NRXN3: variants seen among roughly 807,000 people sequenced by gnomAD.
NRXN3 encodes the protein neurexin III.
A neutral mutation model predicts 137.6 loss-of-function variants in NRXN3; 32 were observed. The ratio of observed to expected loss-of-function variants is 0.23; its 90% CI spans 0.18 to 0.31. The LOEUF (loss-of-function observed/expected upper bound fraction) is 0.31. Ranked by LOEUF, NRXN3 falls within the 10% of genes least tolerant of loss-of-function variation. The pLI is 1.00. For synonymous variants in NRXN3, 798 were observed against 784.5 expected, an observed-to-expected ratio of 1.02 and a Z score of -0.29; for missense variants, 1,574 against 2,062.5, an observed-to-expected ratio of 0.76 and a Z score of 4.59.
At chr14:78,205,450 T>A (rs996812178) in intron 1 of NRXN3, among the ~76,000 whole-genome samples, 1 of 152,272 alleles carries the variant, frequency 6.6e-6, no homozygotes, top group Admixed American at 6.5e-5. Context: ...TTGAAGTACT[T>A]ACACTTTGCT....
chr14:78,544,333 GT>G (rs1261664287), intron 4 of NRXN3, among the ~76,000 whole-genome samples: 1 of 152,216 alleles, frequency 6.6e-6, no homozygotes, highest in African/African-American at 2.4e-5. Flanking sequence ...GGCATGCAGT[GT>G]TAATAAATGA....
intron 15 of NRXN3, among the ~76,000 whole-genome samples, chr14:79,274,115 A>T (rs546072340): frequency 6.6e-6 from 1 of 151,798 alleles, no homozygotes; most frequent in Non-Finnish European, 1.5e-5. Flanking sequence ...AAAAAAAAAA[A>T]AAAAGAGGCT....
chr14:78,950,543 A>G (rs76511209), intron 10 of NRXN3, among the ~76,000 whole-genome samples: 4,418 of 152,114 alleles, frequency 0.029, 111 homozygotes, highest in African/African-American at 0.055. Context: ...TCTTTTTTCT[A>G]GTCTTAAGGC....
chr14:79,131,736 C>T lies in NRXN3; in HGVS notation c.3262+143595C>T, dbSNP rs369821234. Among the ~76,000 whole-genome samples the T allele has an allele frequency of 4.0e-4, 61 of 152,344 alleles. No individual in the cohort carries two copies. The East Asian group carries it at 8.3e-3, about 21-fold the overall frequency. On this transcript the variant is annotated intron_variant, in intron 15 of 20. Coordinates refer to ENST00000335750, the MANE Select transcript of NRXN3 (RefSeq NM_001330195.2). ...TGGAGCTTCCTGGCTGCTTTGTTTA[C>T]CTAAGCAAGCCTGGGCAATGGCGAG...
In NRXN3 at chr14:78,496,669, G is replaced by T. The variant is rs999148460; in HGVS notation, c.758-148451G>T. 5.3e-5 allele frequency among the ~76,000 whole-genome samples: 8 copies of T among 152,146 alleles called. No homozygotes were observed. The East Asian group carries it at 1.6e-3, about 30-fold the overall frequency. ...AAATTCCTTTTATAGTATGTTAGAA[G>T]ATTATGAGATTATAGGAGAATACCA... On this transcript the variant is annotated intron_variant, in intron 4 of 20. Transcript: ENST00000335750.
intron 15 of NRXN3, among the ~76,000 whole-genome samples, chr14:79,397,378 G>C (rs932298072): frequency 6.6e-6 from 1 of 152,160 alleles, no homozygotes; most frequent in Non-Finnish European, 1.5e-5. Flanking sequence ...AATCATCTTT[G>C]TTGGTGCTAA....
intron 2 of NRXN3, among the ~76,000 whole-genome samples, chr14:78,267,006 G>A (rs1168745713): frequency 6.6e-6 from 1 of 152,114 alleles, no homozygotes; most frequent in Non-Finnish European, 1.5e-5. Context: ...GAGCCACTAT[G>A]TTACCCCTTC....
At chr14:78,462,802 TA>T (rs1285239330) in intron 4 of NRXN3, among the ~76,000 whole-genome samples, 6 of 152,220 alleles carry the variant, frequency 3.9e-5, no homozygotes, top group African/African-American at 1.2e-4. Context: ...AAACATATCC[TA>T]GGGGCATCTG....
chr14:79,241,926 G>A (rs2074366169), intron 15 of NRXN3, among the ~76,000 whole-genome samples: 1 of 151,968 alleles, frequency 6.6e-6, no homozygotes, highest in Admixed American at 6.6e-5. Flanking sequence ...AATTATCCAG[G>A]CGTGGTGGCA....
intron 4 of NRXN3, among the ~76,000 whole-genome samples, chr14:78,445,433 C>G (rs55979048): frequency 0.097 from 14,694 of 152,168 alleles, 985 homozygotes; most frequent in African/African-American, 0.17. Context: ...TGAAAAGTGA[C>G]GGGGAGGCAG....
At chr14:78,635,284 A>G (rs2097557761) in intron 4 of NRXN3, among the ~76,000 whole-genome samples, 1 of 152,218 alleles carries the variant, frequency 6.6e-6, no homozygotes. Context: ...TAAACATTTT[A>G]AAGTTCATAT....
At chr14:78,504,768 A>G (rs759498469) in intron 4 of NRXN3, among the ~76,000 whole-genome samples, 23 of 152,142 alleles carry the variant, frequency 1.5e-4, no homozygotes, top group Admixed American at 3.3e-4. Flanking sequence ...GCCACACCCT[A>G]TCTATGTGCT....
chr14:79,206,655 T>C (rs2066837205), intron 15 of NRXN3, among the ~76,000 whole-genome samples: 1 of 152,196 alleles, frequency 6.6e-6, no homozygotes. Flanking sequence ...TGAGTTATTG[T>C]CAATAACATC....
intron 8 of NRXN3, among the ~76,000 whole-genome samples, chr14:78,764,085 A>T (rs1053965817): frequency 6.6e-6 from 1 of 152,224 alleles, no homozygotes; most frequent in Non-Finnish European, 1.5e-5. Context: ...CCAAGATCAC[A>T]CAGCCAGTAC....
At chr14:78,831,973 A>G (rs960359348) in intron 10 of NRXN3, among the ~76,000 whole-genome samples, 1 of 152,154 alleles carries the variant, frequency 6.6e-6, no homozygotes, top group African/African-American at 2.4e-5. Flanking sequence ...TAATACCAGC[A>G]TGTTTCTCAG....
At chr14:78,228,512 T>C (rs1180539184) in intron 1 of NRXN3, among the ~76,000 whole-genome samples, 1 of 152,200 alleles carries the variant, frequency 6.6e-6, no homozygotes, top group African/African-American at 2.4e-5. Context: ...ATGATGATAA[T>C]GGTCATGGCT....
intron 19 of NRXN3, among the ~76,000 whole-genome samples, chr14:79,787,829 G>GA (rs1302590769): frequency 1.3e-5 from 2 of 151,916 alleles, no homozygotes; most frequent in African/African-American, 4.8e-5. Context: ...CTTCATTCTT[G>GA]AAAAAATAGC....
intron 4 of NRXN3, among the ~76,000 whole-genome samples, chr14:78,469,396 T>G (rs1339962199): frequency 1.3e-5 from 2 of 152,146 alleles, no homozygotes; most frequent in Non-Finnish European, 2.9e-5. Context: ...TGTGATGTAA[T>G]GTAATGCAGC....
At chr14:78,246,376 TG>T (rs2067679888) in intron 2 of NRXN3, among the ~76,000 whole-genome samples, 1 of 152,222 alleles carries the variant, frequency 6.6e-6, no homozygotes, top group African/African-American at 2.4e-5. Context: ...TTTTAATAAT[TG>T]TTTTTTTTTC....
Sources: allele counts gnomAD v4.1 joint callset (sites outside exome capture counted in the v4.1 genomes callset), GRCh38; gene constraint gnomAD v4.1.1; transcripts MANE v1.5; gene names NCBI Gene and HGNC (gene_info 2026-07-23, HGNC 2026-07-21).